The following GMCL2 variants were observed in gnomAD, a reference collection of about 807,000 sequenced individuals.
GMCL2 encodes germ cell-less 2, spermatogenesis associated.
GMCL2 carries 33 observed loss-of-function variants against 36.2 expected under a neutral mutation model. That is an observed-to-expected ratio of 0.91 (90% CI 0.69 to 1.22). The LOEUF is 1.22. Among genes scored for constraint, GMCL2 ranks in the 50% most tolerant of loss-of-function variants. The probability of loss-of-function intolerance (pLI) is 0.00; values close to 1 mark genes in which losing one functional copy is unlikely to be tolerated. For synonymous variants in GMCL2, 172 were observed against 184.3 expected (o/e 0.93, Z 0.54); for missense variants, 478 against 514.5 (o/e 0.93, Z 0.69).
Position 178,186,476 on chromosome 5 carries a change from A to G in GMCL2, c.824T>C (p.Val275Ala). Residue 275 changes from valine to alanine, a missense_variant, in exon 1 of 1, where the codon GTA becomes GCA. Transcript: ENST00000463439. ...CATCCACTTTTTTAGAGTGGTGTATACATCCATCTCCACTTGCATCACAAA... is the reference window on the plus strand; with the variant it reads ...CATCCACTTTTTTAGAGTGGTGTATGCATCCATCTCCACTTGCATCACAAA... ...NLFVMQVEMD[V>A]YTTLKKWMFL... The G allele has an allele frequency of 1.3e-6, 2 of 1,483,302 alleles. No homozygotes were observed. The highest frequency in any genetic ancestry group is 1.1e-5 in the South Asian group (1 of 88,386). 91.9% of individuals were successfully genotyped at this position (1,483,302 alleles called of 1,614,324 possible).
chr5:178,187,025 C>T lies in GMCL2; in HGVS notation c.275G>A (p.Ser92Asn). ...LNTPARKKLR[S>N]TSKYIYQTLF... ...TGTTTGATAAATATATTTGGATGTA[C>T]TCCTTAATTTTTTCCTTGCAGGGGT... The change falls in exon 1 of 1, where the codon AGT (serine) becomes AAT (asparagine). Residue 92 changes from serine (S) to asparagine (N), a missense_variant. By Grantham distance (46) the Ser-to-Asn change is conservative. Coordinates refer to ENST00000463439, the MANE Select transcript of GMCL2 (RefSeq NM_001358008.2). 1 of 1,322,958 alleles carries T rather than the reference C, an allele frequency of 7.6e-7. No homozygotes were observed. Among genetic ancestry groups the T allele is most frequent in the Non-Finnish European group, 1.1e-6 (1 of 928,438 alleles). The allele number at this position is 1,322,958 out of a possible 1,614,324, so 82.0% of individuals were successfully genotyped here. A position where few individuals can be genotyped will look rare whatever the true frequency, so the allele number is the denominator to read the frequency against.
Position 178,186,064 on chromosome 5 carries a change from C to T in GMCL2, c.1236G>A (p.Thr412=), listed in dbSNP as rs558865320. 22 of 777,802 alleles carry T rather than the reference C, an allele frequency of 2.8e-5. No homozygotes were observed. The highest frequency in any genetic ancestry group is 2.7e-4 in the Admixed American group (16 of 58,456). The allele number at this position is 777,802 out of a possible 1,614,324, so 48.2% of individuals were successfully genotyped here. Residue 412 remains threonine (T), a synonymous_variant, in exon 1 of 1, where the codon ACG becomes ACA. Transcript: ENST00000463439. ...AKDGEYYWCW[T]GFNFGFDLLV... The stretch of plus-strand genomic sequence containing the variant: ...GTAGGTCAAAGCCGAAGTTAAAACC[C>T]GTCCAACACCAGTAGTATTCACCAT...
rs776994801 is a variant in GMCL2, at chr5:178,186,829, A to G, written c.471T>C (p.Ile157=). 1.9e-6 allele frequency: 3 copies of G among 1,610,216 alleles called. No homozygotes were observed. The South Asian group carries it at 3.3e-5, about 18-fold the overall frequency. ...IIELEIPDQN[I]DVDALQVAFG... The stretch of plus-strand genomic sequence containing the variant: ...ACGCAACCTGCAGTGCGTCTACATC[A>G]ATGTTCTGGTCAGGAATCTCCAGTT... The change falls in exon 1 of 1, where the codon ATT becomes ATC. Residue 157 remains isoleucine, a synonymous_variant. Coordinates refer to ENST00000463439, the MANE Select transcript of GMCL2 (RefSeq NM_001358008.2).
rs765165381 is a variant in GMCL2 at position 178,187,333 on chromosome 5, G to C, written c.-34C>G. On this transcript the variant is annotated 5_prime_UTR_variant, in exon 1 of 1. Transcript: ENST00000463439. ...GCTCCCCAGGACTTCAGGGAGCCCAGAGGAGGGGGTCTCTGGCCATGGCCC... is the reference window on the plus strand; with the variant it reads ...GCTCCCCAGGACTTCAGGGAGCCCACAGGAGGGGGTCTCTGGCCATGGCCC... 2 of 774,852 alleles carry C rather than the reference G, an allele frequency of 2.6e-6. No individual in the cohort carries two copies. The highest frequency in any genetic ancestry group is 4.1e-6 in the Non-Finnish European group (2 of 493,376). 48.0% of individuals were successfully genotyped at this position (774,852 alleles called of 1,614,324 possible).
chr5:178,185,688 A>T lies in GMCL2; in HGVS notation c.*31T>A, dbSNP rs748094417. On this transcript the variant is annotated 3_prime_UTR_variant, in exon 1 of 1. Transcript: ENST00000463439. ...AATTAAAGCTGGCCTGAAAGTTTTC[A>T]AAGTGCTACTGTTTCCAACTGATGA... 1 of 675,312 alleles carries T rather than the reference A, an allele frequency of 1.5e-6. No individual in the cohort carries two copies. Among genetic ancestry groups the T allele is most frequent in the Admixed American group, 2.2e-5 (1 of 45,986 alleles). The allele number at this position is 675,312 out of a possible 1,614,324, so 41.8% of individuals were successfully genotyped here. A position where few individuals can be genotyped will look rare whatever the true frequency, so the allele number is the denominator to read the frequency against.
In GMCL2 at chr5:178,187,160, G is replaced by C; in HGVS notation, c.140C>G (p.Pro47Arg). The change falls in exon 1 of 1, where the codon CCG becomes CGG. Residue 47 changes from proline (P) to arginine (R), a missense_variant. Physicochemically the swap from Pro to Arg is moderately radical, Grantham distance 103. This residue lies in a region of GMCL2 where 127 missense variants were observed against 86.4 expected (regional missense o/e 1.47). Coordinates refer to ENST00000463439, the MANE Select transcript of GMCL2 (RefSeq NM_001358008.2). ...GCTCCGCTTGCGCTTGTGACTGCCC[G>C]GGCAGTAACAGAAGCCGTAGCTCGC... is the stretch of plus-strand genomic sequence containing the variant. ...DAASYGFCYC[P>R]GSHKRKRSSG... is the part of the protein sequence containing the mutation. 8.2e-7 allele frequency: 1 copy of C among 1,213,342 alleles called. No individual in the cohort carries two copies. The highest frequency in any genetic ancestry group is 1.2e-6 in the Non-Finnish European group (1 of 838,110). The allele number at this position is 1,213,342 out of a possible 1,614,324, so 75.2% of individuals were successfully genotyped here.
In GMCL2 at chr5:178,185,809, G is replaced by T; in HGVS notation, c.1491C>A (p.Thr497=). The change falls in exon 1 of 1, where the codon ACC becomes ACA. Residue 497 remains threonine, a synonymous_variant. Coordinates refer to ENST00000463439, the MANE Select transcript of GMCL2 (RefSeq NM_001358008.2). ...AGTTACAGCAGATATATAAAGGGAA[G>T]GTCAGAAACCTGCTGTCCAAGTTCA... is the stretch of plus-strand genomic sequence containing the variant. ...VVMNLDSRFL[T]FPLYICCNFL... 1.0e-6 allele frequency: 1 copy of T among 986,974 alleles called. No individual in the cohort carries two copies. The highest frequency in any genetic ancestry group is 1.6e-6 in the Non-Finnish European group (1 of 613,312). 61.1% of individuals were successfully genotyped at this position (986,974 alleles called of 1,614,324 possible).
chr5:178,186,503 AAGTT>A, the GMCL2 span: 1 of 1,384,276 alleles, frequency 7.2e-7, no homozygotes, highest in East Asian at 2.3e-5. Context: ...CATCACAAAT[AAGTT>A]AGAGGAACCA....
In GMCL2 at chr5:178,185,983, T is replaced by C. The variant is rs1184705070; in HGVS notation, c.1317A>G (p.Pro439=). Residue 439 remains proline (P), a synonymous_variant, in exon 1 of 1, where the codon CCA becomes CCG. Coordinates refer to ENST00000463439, the MANE Select transcript of GMCL2 (RefSeq NM_001358008.2). ...GCCGTAAACTGACAGACCCGCTGCG[T>C]GGCTGATTCAGTGTATTGCGTTTGA... The part of the protein sequence containing the change: ...IIFKRNTLNQ[P]RSGSVSLRPR... 1 of 766,270 alleles carries C rather than the reference T, an allele frequency of 1.3e-6. No individual in the cohort carries two copies. Among genetic ancestry groups the C allele is most frequent in the Non-Finnish European group, 2.4e-6 (1 of 410,136 alleles). 47.5% of individuals were successfully genotyped at this position (766,270 alleles called of 1,614,324 possible).
Position 178,186,515 on chromosome 5 carries a change from C to G in GMCL2, c.785G>C (p.Gly262Ala). 7.5e-7 allele frequency: 1 copy of G among 1,333,916 alleles called. No homozygotes were observed. The highest frequency in any genetic ancestry group is 1.2e-5 in the South Asian group (1 of 85,256). The allele number at this position is 1,333,916 out of a possible 1,614,324, so 82.6% of individuals were successfully genotyped here. A position where few individuals can be genotyped will look rare whatever the true frequency, so the allele number is the denominator to read the frequency against. Residue 262 changes from glycine (G) to alanine (A), a missense_variant, in exon 1 of 1, where the codon GGT (glycine) becomes GCT (alanine). Transcript: ENST00000463439. ...LGINVMKQLI[G>A]SSNLFVMQVE... ...TTGCATCACAAATAAGTTAGAGGAA[C>G]CAATGAGCTGTTTCATGACATTTAT... is the stretch of plus-strand genomic sequence containing the variant.
In GMCL2 at chr5:178,186,304, T is replaced by C; in HGVS notation, c.996A>G (p.Arg332=). 2.4e-6 allele frequency: 3 copies of C among 1,265,984 alleles called. No individual in the cohort carries two copies. Among genetic ancestry groups the C allele is most frequent in the South Asian group, 2.4e-5 (2 of 83,840 alleles). The allele number at this position is 1,265,984 out of a possible 1,614,324, so 78.4% of individuals were successfully genotyped here. A position where few individuals can be genotyped will look rare whatever the true frequency, so the allele number is the denominator to read the frequency against. Residue 332 remains arginine, a synonymous_variant, in exon 1 of 1, where the codon AGA becomes AGG. Coordinates refer to ENST00000463439, the MANE Select transcript of GMCL2 (RefSeq NM_001358008.2). The part of the protein sequence containing the change: ...EPGKPFVSVF[R]HLRLQYIISD... ...TGATAATATATTGTAACCTTAAATG[T>C]CTGAATACTGACACAAATGGTTTTC...
In GMCL2 at chr5:178,187,021, T is replaced by C. The variant is rs1561654087; in HGVS notation, c.279A>G (p.Thr93=). The C allele has an allele frequency of 3.7e-6, 5 of 1,338,608 alleles. No individual in the cohort carries two copies. The highest frequency in any genetic ancestry group is 3.7e-5 in the Admixed American group (2 of 53,816). The allele number at this position is 1,338,608 out of a possible 1,614,324, so 82.9% of individuals were successfully genotyped here. The change falls in exon 1 of 1, where the codon ACA becomes ACG. Residue 93 remains threonine, a synonymous_variant. Coordinates refer to ENST00000463439, the MANE Select transcript of GMCL2 (RefSeq NM_001358008.2). ...ATAATGTTTGATAAATATATTTGGA[T>C]GTACTCCTTAATTTTTTCCTTGCAG... ...NTPARKKLRS[T]SKYIYQTLFL... is the part of the protein sequence containing the mutation.
rs763769820 is a variant in GMCL2 at position 178,185,976 on chromosome 5, C to T, written c.1324G>A (p.Gly442Arg). Residue 442 changes from glycine to arginine, a missense_variant, in exon 1 of 1, where the codon GGG (glycine) becomes AGG (arginine). Coordinates refer to ENST00000463439, the MANE Select transcript of GMCL2 (RefSeq NM_001358008.2). ...CTTCGAGGCCGTAAACTGACAGACC[C>T]GCTGCGTGGCTGATTCAGTGTATTG... ...KRNTLNQPRS[G>R]SVSLRPRRSI... 2.2e-5 allele frequency: 17 copies of T among 767,242 alleles called. No homozygotes were observed. Among genetic ancestry groups the T allele is most frequent in the South Asian group, 5.4e-5 (4 of 74,524 alleles). 47.5% of individuals were successfully genotyped at this position (767,242 alleles called of 1,614,324 possible).
rs752974162 is a variant in GMCL2 at position 178,185,895 on chromosome 5, A to C, written c.1405T>G (p.Cys469Gly). The C allele has an allele frequency of 2.5e-6, 2 of 790,842 alleles. No individual in the cohort carries two copies. Among genetic ancestry groups the C allele is most frequent in the Non-Finnish European group, 4.6e-6 (2 of 433,610 alleles). The allele number at this position is 790,842 out of a possible 1,614,324, so 49.0% of individuals were successfully genotyped here. The change falls in exon 1 of 1, where the codon TGT becomes GGT. Residue 469 changes from cysteine (C) to glycine (G), a missense_variant. By Grantham distance (159) the Cys-to-Gly change is radical. Around this residue, in one of 5 missense-constraint regions of GMCL2, gnomAD observed 135 missense variants for 119.0 expected, o/e 1.13. Transcript: ENST00000463439. The stretch of plus-strand genomic sequence containing the variant: ...ATTTGATAGCCAGTTGTTCTACTAC[A>C]TACTAGTTTTCCACTACTATCAAAA... Reference protein sequence around the residue: ...ASFDSSGKLVCSRTTGYQILI... With the variant: ...ASFDSSGKLVGSRTTGYQILI...
rs1408004559 is a variant in GMCL2, at chr5:178,184,575, A to C, written c.*1144T>G. On this transcript the variant is annotated 3_prime_UTR_variant, in exon 1 of 1. Transcript: ENST00000463439. ...ATTCCCATTTTAAAAGCCAGAATAA[A>C]AATATACATTAACCACAGAAGTACT... Among the ~76,000 whole-genome samples, 1 of 152,250 alleles carries C rather than the reference A, an allele frequency of 6.6e-6. No individual in the cohort carries two copies. The highest frequency in any genetic ancestry group is 1.5e-5 in the Non-Finnish European group (1 of 68,046).
rs1005090821 is a variant in GMCL2, at chr5:178,187,207, C to T, written c.93G>A (p.Arg31=). ...TCGCCGCATCGTCTCCAGTGTCCGG[C>T]CTCCGGGCCGAGCCCCTGGCCCTGG... The part of the protein sequence containing the change: ...QGARARGSAR[R]PDTGDDAASY... The change falls in exon 1 of 1, where the codon AGG becomes AGA. Residue 31 remains arginine, a synonymous_variant. Coordinates refer to ENST00000463439, the MANE Select transcript of GMCL2 (RefSeq NM_001358008.2). 5 of 1,196,588 alleles carry T rather than the reference C, an allele frequency of 4.2e-6. No homozygotes were observed. The African/African-American group carries it at 4.4e-5, about 11-fold the overall frequency. 74.1% of individuals were successfully genotyped at this position (1,196,588 alleles called of 1,614,324 possible). A position where few individuals can be genotyped will look rare whatever the true frequency, so the allele number is the denominator to read the frequency against.
chr5:178,187,272 C>G lies in GMCL2; in HGVS notation c.28G>C (p.Gly10Arg). MGSSSSRVL[G>R]QPRRALAQQE... Reference sequence around the variant, plus strand: ...TGGGCAAGGGCTCGCCTCGGCTGGCCCAGCACCCGGCTGCTCGACGATCCC... The same window carrying G: ...TGGGCAAGGGCTCGCCTCGGCTGGCGCAGCACCCGGCTGCTCGACGATCCC... Residue 10 changes from glycine (G) to arginine (R), a missense_variant, in exon 1 of 1, where the codon GGC becomes CGC. By Grantham distance (125) the Gly-to-Arg change is moderately radical (BLOSUM62 -2). Coordinates refer to ENST00000463439, the MANE Select transcript of GMCL2 (RefSeq NM_001358008.2). 1 of 940,266 alleles carries G rather than the reference C, an allele frequency of 1.1e-6. No homozygotes were observed. The highest frequency in any genetic ancestry group is 1.7e-6 in the Non-Finnish European group (1 of 604,634). The allele number at this position is 940,266 out of a possible 1,614,324, so 58.2% of individuals were successfully genotyped here.
Position 178,186,824 on chromosome 5 carries a change from A to G in GMCL2, c.476T>C (p.Val159Ala). 2 of 1,609,630 alleles carry G rather than the reference A, an allele frequency of 1.2e-6. No individual in the cohort carries two copies. Among genetic ancestry groups the G allele is most frequent in the African/African-American group, 1.3e-5 (1 of 74,940 alleles). ...ACCAAACGCAACCTGCAGTGCGTCTACATCAATGTTCTGGTCAGGAATCTC... is the reference window on the plus strand; with the variant it reads ...ACCAAACGCAACCTGCAGTGCGTCTGCATCAATGTTCTGGTCAGGAATCTC... ...ELEIPDQNID[V>A]DALQVAFGSL... Residue 159 changes from valine to alanine, a missense_variant, in exon 1 of 1, where the codon GTA (valine) becomes GCA (alanine). Val to Ala is a moderately conservative substitution (Grantham distance 64). Around this residue, in one of 5 missense-constraint regions of GMCL2, gnomAD observed 175 missense variants for 208.0 expected, o/e 0.84. Transcript: ENST00000463439.
At position 178,185,437 on chromosome 5, in the gene GMCL2, G is replaced by C. The variant is rs1455528912; in HGVS notation, c.*282C>G. ...TCTATATTTTGTTGCAGATAAATGTGAGATTTACCTACAGTCATTTTCTGC... is the reference window on the plus strand; with the variant it reads ...TCTATATTTTGTTGCAGATAAATGTCAGATTTACCTACAGTCATTTTCTGC... On this transcript the variant is annotated 3_prime_UTR_variant, in exon 1 of 1. Coordinates refer to ENST00000463439, the MANE Select transcript of GMCL2 (RefSeq NM_001358008.2). Among the ~76,000 whole-genome samples, 1 of 152,212 alleles carries C rather than the reference G, an allele frequency of 6.6e-6. No individual in the cohort carries two copies. The highest frequency in any genetic ancestry group is 2.4e-5 in the African/African-American group (1 of 41,454).
Sources: gnomAD v4.1 joint callset for allele counts (sites outside exome capture counted in the v4.1 genomes callset) on GRCh38, gnomAD v4.1.1 for gene constraint, gnomAD v4.1.1 regional missense constraint, MANE v1.5 for transcripts, NCBI Gene and HGNC (gene_info 2026-07-23, HGNC 2026-07-21) for gene names.